MAP4K3: variants seen among roughly 807,000 people sequenced by gnomAD.
The protein encoded by MAP4K3 is mitogen-activated protein kinase kinase kinase kinase 3, also known as MAPK/ERK kinase kinase kinase 3.
Under a neutral mutation model 143.5 loss-of-function variants are expected in MAP4K3, and 94 were observed. That is an observed-to-expected ratio of 0.65 (90% CI 0.55 to 0.78). The LOEUF (loss-of-function observed/expected upper bound fraction) is 0.78. MAP4K3 is among the 30% of genes least tolerant of loss of function. MAP4K3 has a pLI of 0.00. For synonymous variants in MAP4K3, 416 were observed against 347.2 expected, an observed-to-expected ratio of 1.20 and a Z score of -2.20; for missense variants, 1,077 against 1,068.1, an observed-to-expected ratio of 1.01 and a Z score of -0.12.
chr2:39,287,339 G>T (rs1681833998), intron 20 of MAP4K3, among the ~76,000 whole-genome samples: 2 of 151,474 alleles, frequency 1.3e-5, no homozygotes, highest in South Asian at 4.2e-4. Context: ...TATCACCCAG[G>T]CTAGAGTGCA....
intron 12 of MAP4K3, among the ~76,000 whole-genome samples, chr2:39,317,047 C>T (rs1381289655): frequency 2.0e-5 from 3 of 152,060 alleles, no homozygotes. Flanking sequence ...GAGAATGGTA[C>T]TGGTATAAAA....
chr2:39,395,958 T>C (rs576732786), intron 1 of MAP4K3, among the ~76,000 whole-genome samples: 1 of 152,334 alleles, frequency 6.6e-6, no homozygotes, highest in East Asian at 1.9e-4. Context: ...GTATTCATTA[T>C]GTAGAATATA....
intron 18 of MAP4K3, 105 bp from the exon 19 acceptor site, chr2:39,290,439 A>G (rs1681993279): frequency 1.4e-6 from 1 of 697,084 alleles, no homozygotes; most frequent in Non-Finnish European, 2.4e-6. Context: ...GCAAAGACAA[A>G]TATCATTTTC....
At chr2:39,391,979 G>T (rs952060425) in intron 1 of MAP4K3, among the ~76,000 whole-genome samples, 1 of 151,896 alleles carries the variant, frequency 6.6e-6, no homozygotes, top group Non-Finnish European at 1.5e-5. Flanking sequence ...TCAAGAGATG[G>T]AGACCATCCT....
At position 39,258,541 on chromosome 2, in the gene MAP4K3, A is replaced by G; in HGVS notation, c.2355T>C (p.Asp785=). Residue 785 remains aspartate, a synonymous_variant, in exon 30 of 34, where the codon GAT becomes GAC. Coordinates refer to ENST00000263881, the MANE Select transcript of MAP4K3 (RefSeq NM_003618.4). ...TACAGTCCAAGCATACAAGGATGGT[A>G]TCTCTCTCCAGTTGGGTTACATGAG... The part of the protein sequence containing the change: ...NVTHVTQLER[D]TILVCLDCCI... The G allele has an allele frequency of 6.2e-7, 1 of 1,613,716 alleles. No individual in the cohort carries two copies. Among genetic ancestry groups the G allele is most frequent in the South Asian group, 1.1e-5 (1 of 91,074 alleles).
chr2:39,384,112 T>TA (rs59384266), intron 1 of MAP4K3, among the ~76,000 whole-genome samples: 10,401 of 138,814 alleles, frequency 0.075, 1,207 homozygotes, highest in African/African-American at 0.25. Flanking sequence ...AGACCAGTAT[T>TA]AAAAAAAAAA....
At chr2:39,337,849 T>A (rs1018284991) in intron 4 of MAP4K3, among the ~76,000 whole-genome samples, 1 of 131,048 alleles carries the variant, frequency 7.6e-6, no homozygotes, top group Admixed American at 9.6e-5. Context: ...AGCCTCGACC[T>A]CCTGGGCTCA....
At chr2:39,377,575 G>C (rs1388886474) in intron 2 of MAP4K3, among the ~76,000 whole-genome samples, 1 of 152,146 alleles carries the variant, frequency 6.6e-6, no homozygotes, top group Non-Finnish European at 1.5e-5. Flanking sequence ...CAATTTGGTA[G>C]ACAACTGCTG....
intron 15 of MAP4K3, among the ~76,000 whole-genome samples, chr2:39,301,168 GT>G (rs1433301584): frequency 6.6e-6 from 1 of 152,068 alleles, no homozygotes; most frequent in Admixed American, 6.5e-5. Flanking sequence ...CAAAATCCTG[GT>G]TTAGACAAGA....
At chr2:39,344,142 A>G (rs1280536643) in intron 3 of MAP4K3, among the ~76,000 whole-genome samples, 1 of 152,202 alleles carries the variant, frequency 6.6e-6, no homozygotes, top group Non-Finnish European at 1.5e-5. Context: ...CTACCTTAAT[A>G]TATGTCTGTC....
rs148990062 is a variant in MAP4K3, at chr2:39,369,186, T to A, written c.154+8880A>T. Among the ~76,000 whole-genome samples the A allele has an allele frequency of 3.3e-5, 5 of 149,266 alleles. 1 individual carries two copies. The East Asian group carries it at 1.0e-3, about 30-fold the overall frequency. ...TTTTACAGGGTAAAATCTAAACCTT[T>A]GGGCTAGTTTTTTTTTTTGTTTTTT... On this transcript the variant is annotated intron_variant, in intron 2 of 33. Transcript: ENST00000263881.
chr2:39,365,064 C>T (rs1004174114), intron 2 of MAP4K3, among the ~76,000 whole-genome samples: 26 of 152,096 alleles, frequency 1.7e-4, no homozygotes, highest in African/African-American at 3.9e-4. Flanking sequence ...CCACAAGAGA[C>T]GGCTTTGCAG....
At chr2:39,429,085 A>AG (rs1665199435) in intron 1 of MAP4K3, among the ~76,000 whole-genome samples, 1 of 150,744 alleles carries the variant, frequency 6.6e-6, no homozygotes, top group Admixed American at 6.6e-5. Flanking sequence ...AAAAAAAAAA[A>AG]AAAAGGAGTC....
chr2:39,372,737 G>C (rs1483007126), intron 2 of MAP4K3, among the ~76,000 whole-genome samples: 1 of 152,102 alleles, frequency 6.6e-6, no homozygotes, highest in Non-Finnish European at 1.5e-5. Flanking sequence ...ATATCCATAA[G>C]CAGAAGACTG....
At chr2:39,392,183 CAA>C (rs3086434) in intron 1 of MAP4K3, among the ~76,000 whole-genome samples, 228 of 69,018 alleles carry the variant, frequency 3.3e-3, no homozygotes, top group African/African-American at 0.012. Context: ...CACTCCTACT[CAA>C]AAAAAAAAAA....
At chr2:39,393,448 A>C (rs1666721652) in intron 1 of MAP4K3, among the ~76,000 whole-genome samples, 1 of 152,208 alleles carries the variant, frequency 6.6e-6, no homozygotes. Context: ...CCATTTCAGA[A>C]TCCCGTTTTT....
At chr2:39,355,198 T>C (rs1665575704) in intron 3 of MAP4K3, among the ~76,000 whole-genome samples, 1 of 151,588 alleles carries the variant, frequency 6.6e-6, no homozygotes, top group South Asian at 2.1e-4. Flanking sequence ...CCCCATCTAC[T>C]AAAACACAAA....
chr2:39,299,167 T>G (rs778313023), intron 16 of MAP4K3, among the ~76,000 whole-genome samples: 1 of 152,284 alleles, frequency 6.6e-6, no homozygotes, highest in South Asian at 2.1e-4. Context: ...ACAATTTAAA[T>G]TGTTAATGTT....
chr2:39,277,067 C>A (rs1681288880), intron 24 of MAP4K3, among the ~76,000 whole-genome samples: 1 of 152,190 alleles, frequency 6.6e-6, no homozygotes, highest in African/African-American at 2.4e-5. Flanking sequence ...TACCTTTGCC[C>A]TGAATTAACA....
Sources: gnomAD v4.1 joint callset for allele counts (sites outside exome capture counted in the v4.1 genomes callset) on GRCh38, gnomAD v4.1.1 for gene constraint, MANE v1.5 for transcripts, NCBI Gene and HGNC (gene_info 2026-07-23, HGNC 2026-07-21) for gene names.